Variants in GRIK4 observed in about 807,000 individuals in gnomAD.
The protein encoded by GRIK4 is glutamate ionotropic receptor kainate type subunit 4.
A neutral mutation model predicts 104.9 loss-of-function variants in GRIK4; 40 were observed. The ratio of observed to expected loss-of-function variants is 0.38; its 90% CI spans 0.30 to 0.50. GRIK4 has a LOEUF of 0.50. GRIK4 is among the 20% of genes least tolerant of loss of function. GRIK4 has a pLI of 0.93. For missense variants in GRIK4, 1,047 were observed against 1,308.1 expected (o/e 0.80, Z 3.08); for synonymous variants, 485 against 524.9 (o/e 0.92, Z 1.04).
chr11:120,661,247 G>T (rs1197406209), intron 3 of GRIK4, among the ~76,000 whole-genome samples: 1 of 152,186 alleles, frequency 6.6e-6, no homozygotes, highest in Non-Finnish European at 1.5e-5. Context: ...TGTACATCGG[G>T]GGATGGGGAT....
intron 1 of GRIK4, chr11:120,515,170 C>T (rs1178269206): frequency 5.1e-6 from 2 of 392,800 alleles, no homozygotes; most frequent in African/African-American, 4.1e-5. Flanking sequence ...CTCACCCTGG[C>T]CCTTTGCATT....
intron 12 of GRIK4, among the ~76,000 whole-genome samples, chr11:120,902,000 C>T (rs1207995456): frequency 1.3e-5 from 2 of 152,188 alleles, no homozygotes; most frequent in Non-Finnish European, 2.9e-5. Context: ...CCTACAGTGG[C>T]TGATCCAATT....
chr11:120,710,399 G>A lies in GRIK4; in HGVS notation c.82+49999G>A, dbSNP rs60571132. ...CATGGCAGAAGTCAAGATACAGTTCGGACCTCCTGGTGGACCCCAGGGGTG... is the reference window on the plus strand; with the variant it reads ...CATGGCAGAAGTCAAGATACAGTTCAGACCTCCTGGTGGACCCCAGGGGTG... On this transcript the variant is annotated intron_variant, in intron 3 of 20. Coordinates refer to ENST00000527524, the MANE Select transcript of GRIK4 (RefSeq NM_014619.5). 7.6e-3 allele frequency among the ~76,000 whole-genome samples: 1,157 copies of A among 152,210 alleles called. 11 individuals are homozygous for A. Among genetic ancestry groups the A allele is most frequent in the African/African-American group, 0.026 (1,084 of 41,526 alleles).
intron 1 of GRIK4, among the ~76,000 whole-genome samples, chr11:120,595,346 T>G (rs1948787726): frequency 1.3e-5 from 2 of 152,280 alleles, no homozygotes; most frequent in Non-Finnish European, 1.5e-5. Context: ...TATGTCTGCT[T>G]CTTGTTAGTT....
chr11:120,779,962 A>G (rs1029698754), intron 3 of GRIK4, among the ~76,000 whole-genome samples: 2 of 152,200 alleles, frequency 1.3e-5, no homozygotes, highest in Non-Finnish European at 2.9e-5. Context: ...CAGCCTGTGG[A>G]TGCCTTTGTA....
chr11:120,978,048 G>T (rs1944590388), intron 19 of GRIK4, among the ~76,000 whole-genome samples: 1 of 152,154 alleles, frequency 6.6e-6, no homozygotes. Flanking sequence ...AATACATATG[G>T]GTCCAGAGCT....
intron 1 of GRIK4, among the ~76,000 whole-genome samples, chr11:120,643,383 G>C (rs1301854375): frequency 6.6e-6 from 1 of 152,220 alleles, no homozygotes; most frequent in Non-Finnish European, 1.5e-5. Context: ...CAGGCCCCAA[G>C]GTGGGAATGT....
intron 13 of GRIK4, among the ~76,000 whole-genome samples, chr11:120,907,196 G>T (rs574724745): frequency 3.9e-5 from 6 of 152,172 alleles, no homozygotes; most frequent in Non-Finnish European, 7.3e-5. Context: ...ATAGAAAGCC[G>T]AAATGCCAGG....
intron 1 of GRIK4, among the ~76,000 whole-genome samples, chr11:120,641,417 T>C (rs546466565): frequency 2.6e-5 from 4 of 151,720 alleles, no homozygotes; most frequent in South Asian, 2.1e-4. Flanking sequence ...GGCTACTCCA[T>C]AGGCAATGCA....
chr11:120,888,895 C>CT (rs1484866477), intron 11 of GRIK4, among the ~76,000 whole-genome samples: 1 of 152,228 alleles, frequency 6.6e-6, no homozygotes, highest in Non-Finnish European at 1.5e-5. Flanking sequence ...TAACAAAATA[C>CT]TGCCTTGGAC....
chr11:120,611,613 C>T (rs192712683), intron 1 of GRIK4, among the ~76,000 whole-genome samples: 3 of 152,292 alleles, frequency 2.0e-5, no homozygotes, highest in Admixed American at 2.0e-4. Flanking sequence ...TTTTAGTCAC[C>T]CTTCCTCCGT....
At chr11:120,613,499 A>G (rs1261115236) in intron 1 of GRIK4, among the ~76,000 whole-genome samples, 1 of 152,218 alleles carries the variant, frequency 6.6e-6, no homozygotes, top group African/African-American at 2.4e-5. Flanking sequence ...TACAAGGCAA[A>G]TAGCACTGGG....
intron 1 of GRIK4, among the ~76,000 whole-genome samples, chr11:120,630,377 A>G (rs1274078144): frequency 6.6e-6 from 1 of 152,256 alleles, no homozygotes; most frequent in Non-Finnish European, 1.5e-5. Flanking sequence ...CTTGAAGAAG[A>G]GCAGTGAATA....
chr11:120,674,709 C>A (rs1190705485), intron 3 of GRIK4, among the ~76,000 whole-genome samples: 2 of 152,224 alleles, frequency 1.3e-5, no homozygotes, highest in African/African-American at 4.8e-5. Flanking sequence ...CAACATGAGA[C>A]TTTGAGCTTT....
chr11:120,602,690 T>G (rs1260909573), intron 1 of GRIK4, among the ~76,000 whole-genome samples: 1 of 152,052 alleles, frequency 6.6e-6, no homozygotes, highest in Non-Finnish European at 1.5e-5. Context: ...CTGGCTGCAT[T>G]TTCGTTAGTA....
intron 1 of GRIK4, among the ~76,000 whole-genome samples, chr11:120,512,699 A>G (rs1386644000): frequency 6.6e-6 from 1 of 152,090 alleles, no homozygotes. Flanking sequence ...GAGGACTGGC[A>G]GAGCTGTGCG....
intron 14 of GRIK4, among the ~76,000 whole-genome samples, chr11:120,946,086 CT>C (rs538987818): frequency 2.1e-4 from 32 of 152,186 alleles, no homozygotes; most frequent in South Asian, 4.1e-4. Context: ...TTGATGCATA[CT>C]TTGAGCTCTC....
At chr11:120,815,314 C>T in intron 4 of GRIK4, 64 bp from the exon 5 acceptor site, 1 of 916,304 alleles carries the variant, frequency 1.1e-6, no homozygotes, top group Non-Finnish European at 1.7e-6. Context: ...GAGGACTGGG[C>T]CATGGCGCAA....
At chr11:120,536,481 A>C (rs1316106741) in intron 1 of GRIK4, among the ~76,000 whole-genome samples, 8 of 152,228 alleles carry the variant, frequency 5.3e-5, no homozygotes, top group African/African-American at 1.9e-4. Context: ...CTGGTTGAAC[A>C]ATTGGACCTG....
Sources: gnomAD v4.1 joint callset for allele counts (sites outside exome capture counted in the v4.1 genomes callset) on GRCh38, gnomAD v4.1.1 for gene constraint, MANE v1.5 for transcripts, NCBI Gene and HGNC (gene_info 2026-07-23, HGNC 2026-07-21) for gene names.